Variants in NR3C2 observed in about 807,000 individuals in gnomAD.
NR3C2 encodes the protein mineralocorticoid receptor.
NR3C2 carries 15 observed loss-of-function variants against 86.4 expected under a neutral mutation model. The observed-to-expected ratio is 0.17, with a 90% CI of 0.12 to 0.27. NR3C2 has a LOEUF of 0.27. NR3C2 is among the 10% of genes least tolerant of loss of function. The pLI, the probability that NR3C2 is intolerant of heterozygous loss-of-function variation, is 1.00. For missense variants in NR3C2, 960 were observed against 1,195.6 expected (o/e 0.80, Z 2.91); for synonymous variants, 458 against 450.5 (o/e 1.02, Z -0.21).
At chr4:148,312,019 T>C (rs1237690318) in intron 2 of NR3C2, among the ~76,000 whole-genome samples, 2 of 152,248 alleles carry the variant, frequency 1.3e-5, no homozygotes, top group East Asian at 3.8e-4. Flanking sequence ...CACACAGTGA[T>C]GCTTCTGATT....
In NR3C2 at chr4:148,336,793, G is replaced by C. The variant is rs552952993; in HGVS notation, c.1758-76676C>G. 3.3e-5 allele frequency among the ~76,000 whole-genome samples: 5 copies of C among 152,156 alleles called. No individual in the cohort carries two copies. In the South Asian group the frequency reaches 1.0e-3, roughly 32 times the overall value. ...ACATAATTAGGCCAAGTTTTGATTT[G>C]TTTTTTTCTTTTTCTTTGAGACAGG... On this transcript the variant is annotated intron_variant, in intron 2 of 8. Transcript: ENST00000358102.
At chr4:148,196,145 C>T (rs1736432812) in intron 3 of NR3C2, among the ~76,000 whole-genome samples, 1 of 152,042 alleles carries the variant, frequency 6.6e-6, no homozygotes, top group Admixed American at 6.6e-5. Context: ...AGATGTATTC[C>T]AAAAGTAGAG....
chr4:148,310,436 T>C (rs563754132), intron 2 of NR3C2, among the ~76,000 whole-genome samples: 1 of 152,326 alleles, frequency 6.6e-6, no homozygotes, highest in Non-Finnish European at 1.5e-5. Flanking sequence ...ACAGTACATT[T>C]CCCTAGTCTA....
At chr4:148,106,229 A>G (rs942228471) in intron 8 of NR3C2, among the ~76,000 whole-genome samples, 10 of 152,234 alleles carry the variant, frequency 6.6e-5, no homozygotes, top group African/African-American at 2.4e-4. Context: ...ATAGGCAAGC[A>G]AAGAGCCAAA....
intron 4 of NR3C2, among the ~76,000 whole-genome samples, chr4:148,190,452 C>G (rs761296500): frequency 2.0e-5 from 3 of 152,160 alleles, no homozygotes; most frequent in African/African-American, 4.8e-5. Flanking sequence ...TACGGCCTAT[C>G]ATATGGTCCA....
chr4:148,274,699 T>C lies in NR3C2; in HGVS notation c.1758-14582A>G, dbSNP rs969144578. ...CAGTCAATTATCCAGTCTCAGGTAG[T>C]TTTTTCTTTTTTTTTTTTTTTTTGA... On this transcript the variant is annotated intron_variant, in intron 2 of 8. Transcript: ENST00000358102. Among the ~76,000 whole-genome samples the C allele has an allele frequency of 5.5e-5, 7 of 127,560 alleles. No homozygotes were observed. In the East Asian group the frequency reaches 6.6e-4, roughly 12 times the overall value. 83.7% of individuals were successfully genotyped at this position (127,560 alleles called of 152,430 possible).
chr4:148,430,840 A>C (rs1458358170), intron 2 of NR3C2, among the ~76,000 whole-genome samples: 1 of 152,186 alleles, frequency 6.6e-6, no homozygotes, highest in Non-Finnish European at 1.5e-5. Flanking sequence ...AGTTTCAAGG[A>C]AACTTCAGGG....
chr4:148,220,971 C>A (rs925993884), intron 3 of NR3C2, among the ~76,000 whole-genome samples: 3 of 152,170 alleles, frequency 2.0e-5, no homozygotes, highest in African/African-American at 7.2e-5. Flanking sequence ...GAGGCCCTTG[C>A]CATCACATGC....
At chr4:148,425,271 A>G (rs915900490) in intron 2 of NR3C2, among the ~76,000 whole-genome samples, 39 of 152,222 alleles carry the variant, frequency 2.6e-4, no homozygotes, top group Non-Finnish European at 5.4e-4. Context: ...TACAAGTAAC[A>G]GGCCAGATGA....
intron 3 of NR3C2, 147 bp from the exon 4 acceptor site, chr4:148,195,009 AGAG>A: frequency 4.7e-6 from 3 of 645,102 alleles, no homozygotes; most frequent in Admixed American, 5.3e-5. Context: ...TGGATAATAT[AGAG>A]GAGGAGATGG....
chr4:148,294,828 A>T (rs1405054457), intron 2 of NR3C2, among the ~76,000 whole-genome samples: 3 of 151,988 alleles, frequency 2.0e-5, no homozygotes, highest in Admixed American at 6.6e-5. Flanking sequence ...AAAAATAAAA[A>T]AAATAAAAAG....
chr4:148,220,292 T>A (rs1737770565), intron 3 of NR3C2, among the ~76,000 whole-genome samples: 1 of 152,092 alleles, frequency 6.6e-6, no homozygotes, highest in Non-Finnish European at 1.5e-5. Flanking sequence ...CTCACTATGT[T>A]GCCCAGTCTG....
At chr4:148,182,618 C>T (rs1735696231) in intron 4 of NR3C2, among the ~76,000 whole-genome samples, 1 of 152,184 alleles carries the variant, frequency 6.6e-6, no homozygotes, top group Admixed American at 6.5e-5. Flanking sequence ...AATTTTGTAT[C>T]ACATACCGTG....
At chr4:148,091,482 G>C (rs969408981) in intron 8 of NR3C2, among the ~76,000 whole-genome samples, 2 of 152,236 alleles carry the variant, frequency 1.3e-5, no homozygotes, top group Non-Finnish European at 2.9e-5. Context: ...GCTGCAGGTG[G>C]TTAGATCTCA....
chr4:148,152,640 A>G, intron 5 of NR3C2, 27 bp from the exon 6 acceptor site: 1 of 1,611,796 alleles, frequency 6.2e-7, no homozygotes, highest in Non-Finnish European at 8.5e-7. Context: ...TTAATCACAG[A>G]AATACACTTA....
At chr4:148,320,766 C>G (rs1009963785) in intron 2 of NR3C2, among the ~76,000 whole-genome samples, 3 of 151,838 alleles carry the variant, frequency 2.0e-5, no homozygotes, top group African/African-American at 7.3e-5. Flanking sequence ...ATTCTTCTCT[C>G]TTTTTTTCTT....
At chr4:148,168,335 C>T (rs1207242976) in intron 4 of NR3C2, among the ~76,000 whole-genome samples, 1 of 152,204 alleles carries the variant, frequency 6.6e-6, no homozygotes, top group Non-Finnish European at 1.5e-5. Context: ...ACCCAAATTG[C>T]AAGCACTCTA....
chr4:148,398,695 C>T (rs533725065), intron 2 of NR3C2, among the ~76,000 whole-genome samples: 16 of 152,114 alleles, frequency 1.1e-4, no homozygotes, highest in Non-Finnish European at 1.5e-4. Flanking sequence ...CTGAATGCTC[C>T]GTATGTAAGA....
intron 6 of NR3C2, among the ~76,000 whole-genome samples, chr4:148,146,219 T>C (rs1477857347): frequency 2.0e-5 from 3 of 152,144 alleles, no homozygotes; most frequent in Admixed American, 2.0e-4. Flanking sequence ...CTAACCCTGA[T>C]GGGGTGAGGA....
Sources: allele counts gnomAD v4.1 joint callset (sites outside exome capture counted in the v4.1 genomes callset), GRCh38; gene constraint gnomAD v4.1.1; transcripts MANE v1.5; gene names NCBI Gene and HGNC (gene_info 2026-07-23, HGNC 2026-07-21).